Variants in CPED1 observed in about 807,000 individuals in gnomAD.
The protein encoded by CPED1 is cadherin like and PC-esterase domain containing 1.
In CPED1, 114 loss-of-function variants were observed where a neutral mutation model predicts 128.2. The observed-to-expected ratio is 0.89, with a 90% CI of 0.76 to 1.04. CPED1 has a LOEUF of 1.04. CPED1 is among the 50% of genes least tolerant of loss of function. The probability of loss-of-function intolerance (pLI) is 0.00; values close to 1 mark genes in which losing one functional copy is unlikely to be tolerated. For missense variants in CPED1, 1,211 were observed against 1,207.1 expected, an observed-to-expected ratio of 1.00 and a Z score of -0.05; for synonymous variants, 462 against 426.7, an observed-to-expected ratio of 1.08 and a Z score of -1.02.
At chr7:121,149,352 T>C (rs1470763257) in intron 16 of CPED1, among the ~76,000 whole-genome samples, 2 of 152,224 alleles carry the variant, frequency 1.3e-5, no homozygotes, top group Admixed American at 6.5e-5. Flanking sequence ...CAGAGTGGCA[T>C]GTTCTTTCAA....
At chr7:121,103,418 CAA>C (rs1176184832) in intron 7 of CPED1, among the ~76,000 whole-genome samples, 2 of 152,090 alleles carry the variant, frequency 1.3e-5, no homozygotes, top group Non-Finnish European at 1.5e-5. Context: ...TTTCAGAAAA[CAA>C]GAGGATATTT....
At chr7:121,067,506 T>C (rs1793869546) in intron 5 of CPED1, among the ~76,000 whole-genome samples, 1 of 152,156 alleles carries the variant, frequency 6.6e-6, no homozygotes, top group Admixed American at 6.5e-5. Context: ...CTTAATCCAG[T>C]CTATCATTGT....
chr7:121,106,760 A>G (rs1794983499), intron 7 of CPED1, among the ~76,000 whole-genome samples: 1 of 152,094 alleles, frequency 6.6e-6, no homozygotes, highest in South Asian at 2.1e-4. Flanking sequence ...TGTTTCTCTG[A>G]ACTGGATCCT....
Position 121,100,049 on chromosome 7 carries a change from G to A in CPED1, c.873G>A (p.Thr291=). 6.2e-7 allele frequency: 1 copy of A among 1,613,292 alleles called. No individual in the cohort carries two copies. Among genetic ancestry groups the A allele is most frequent in the Non-Finnish European group, 8.5e-7 (1 of 1,179,662 alleles). ...CTTTGCGTGCATTCATTCATTCGAC[G>A]GGCACAGTTTGGAATCCACCAAAGA... ...LTPLRAFIHS[T]GTVWNPPKKK... is the part of the protein sequence containing the mutation. The change falls in exon 7 of 23, where the codon ACG becomes ACA. Residue 291 remains threonine, a synonymous_variant. Transcript: ENST00000310396.
rs188574653 is a variant in CPED1, at chr7:121,140,927, C to T, written c.1800C>T (p.Val600=). 5.0e-6 allele frequency: 8 copies of T among 1,612,404 alleles called. No homozygotes were observed. Among genetic ancestry groups the T allele is most frequent in the East Asian group, 2.2e-5 (1 of 44,828 alleles). Residue 600 remains valine, a synonymous_variant, in exon 15 of 23, where the codon GTC becomes GTT. Transcript: ENST00000310396. ...HPKIKDYYCE[V]PFDVVTVTIG... The stretch of plus-strand genomic sequence containing the variant: ...AGATCAAAGATTATTACTGTGAAGT[C>T]CCATTTGATGTGGTAACAGTGACAA...
At chr7:120,994,967 C>T (rs1261283866) in intron 2 of CPED1, among the ~76,000 whole-genome samples, 1 of 152,078 alleles carries the variant, frequency 6.6e-6, no homozygotes, top group Non-Finnish European at 1.5e-5. Flanking sequence ...CTTGAACACC[C>T]CCTTTTCAAC....
chr7:121,272,364 C>T (rs781528613), intron 22 of CPED1, among the ~76,000 whole-genome samples: 20 of 152,114 alleles, frequency 1.3e-4, no homozygotes, highest in South Asian at 4.1e-4. Context: ...GATGTGCTCT[C>T]TGAGTCTAGC....
At chr7:121,059,502 CATG>C (rs1377925923) in intron 4 of CPED1, among the ~76,000 whole-genome samples, 1 of 152,100 alleles carries the variant, frequency 6.6e-6, no homozygotes, top group Non-Finnish European at 1.5e-5. Context: ...TAAAATGCAA[CATG>C]ATGTGTGTGT....
intron 16 of CPED1, among the ~76,000 whole-genome samples, chr7:121,170,587 A>G (rs190737768): frequency 5.7e-4 from 87 of 152,334 alleles, no homozygotes; most frequent in Middle Eastern, 6.8e-3. Context: ...CATACCAGCT[A>G]CAGTGCTGAT....
At chr7:121,201,488 G>C (rs533126487) in intron 16 of CPED1, among the ~76,000 whole-genome samples, 6 of 150,074 alleles carry the variant, frequency 4.0e-5, no homozygotes, top group Non-Finnish European at 8.9e-5. Context: ...GAGAGACAGA[G>C]AGAGAGAGAG....
At chr7:121,267,071 A>G in intron 20 of CPED1, 144 bp from the exon 21 acceptor site, 1 of 618,044 alleles carries the variant, frequency 1.6e-6, no homozygotes, top group Non-Finnish European at 2.8e-6. Flanking sequence ...CGTATTATAC[A>G]TCAAATATAT....
Position 121,140,852 on chromosome 7 carries a change from G to A in CPED1, c.1725G>A (p.Lys575=). ...SDDENTPCHI[K]QIFTHPHLEL... is the part of the protein sequence containing the mutation. ...ATGAAAACACACCATGTCATATCAA[G>A]CAGATCTTCACACATCCACATTTGG... The change falls in exon 15 of 23, where the codon AAG becomes AAA. Residue 575 remains lysine (K), a synonymous_variant. Coordinates refer to ENST00000310396, the MANE Select transcript of CPED1 (RefSeq NM_024913.5). 1 of 1,611,708 alleles carries A rather than the reference G, an allele frequency of 6.2e-7. No homozygotes were observed. Among genetic ancestry groups the A allele is most frequent in the Non-Finnish European group, 8.5e-7 (1 of 1,178,792 alleles).
At chr7:121,177,322 G>A (rs927734105) in intron 16 of CPED1, among the ~76,000 whole-genome samples, 1 of 151,810 alleles carries the variant, frequency 6.6e-6, no homozygotes, top group Non-Finnish European at 1.5e-5. Flanking sequence ...TGCAGTTGTC[G>A]AGCTCATAGA....
In CPED1 at chr7:121,163,398, A is replaced by G. The variant is rs943277530; in HGVS notation, c.2055+21257A>G. 4.0e-4 allele frequency among the ~76,000 whole-genome samples: 61 copies of G among 152,318 alleles called. 1 individual carries two copies. The highest frequency in any genetic ancestry group is 3.9e-3 in the Admixed American group (60 of 15,302). ...TTGAGCTATTGTGGGAAGACTATAGAAGCAGAAAATGGACAGGAATCAAGG... is the reference window on the plus strand; with the variant it reads ...TTGAGCTATTGTGGGAAGACTATAGGAGCAGAAAATGGACAGGAATCAAGG... On this transcript the variant is annotated intron_variant, in intron 16 of 22. Coordinates refer to ENST00000310396, the MANE Select transcript of CPED1 (RefSeq NM_024913.5).
rs1792288120 is a variant in CPED1 at position 121,015,828 on chromosome 7, G to A, written c.413G>A (p.Gly138Glu). The change falls in exon 3 of 23, where the codon GGG becomes GAG. Residue 138 changes from glycine (G) to glutamate (E), a missense_variant. Transcript: ENST00000310396. Reference protein sequence around the residue: ...IAEERLNAGLGPGLLEQGDLG... With the variant: ...IAEERLNAGLEPGLLEQGDLG... ...GAAGAAAGGCTCAATGCTGGCCTAG[G>A]GCCGGGGCTACTAGAACAAGGTCAG... 6.4e-7 allele frequency: 1 copy of A among 1,562,828 alleles called. No individual in the cohort carries two copies. Among genetic ancestry groups the A allele is most frequent in the African/African-American group, 1.4e-5 (1 of 71,980 alleles).
intron 12 of CPED1, among the ~76,000 whole-genome samples, 159 bp downstream of exon 12, chr7:121,130,453 A>G (rs954283171): frequency 2.0e-5 from 3 of 152,114 alleles, no homozygotes; most frequent in Non-Finnish European, 2.9e-5. Flanking sequence ...CATTGAAACC[A>G]TAATGATTCT....
Position 121,033,542 on chromosome 7 carries a change from T to C in CPED1, c.434-13345T>C, listed in dbSNP as rs146257861. On this transcript the variant is annotated intron_variant, in intron 3 of 22. Transcript: ENST00000310396. ...CACCATCCCTGTAACATCCCCAAAA[T>C]GTGAGTGTTATCATTCCTGGGAGGT... Among the ~76,000 whole-genome samples, 9 of 152,296 alleles carry C rather than the reference T, an allele frequency of 5.9e-5. No individual in the cohort carries two copies. In the East Asian group the frequency reaches 1.7e-3, roughly 29 times the overall value.
chr7:121,019,055 G>A (rs1198780250), intron 3 of CPED1, among the ~76,000 whole-genome samples: 1 of 151,952 alleles, frequency 6.6e-6, no homozygotes, highest in Non-Finnish European at 1.5e-5. Flanking sequence ...TTTACTGGTA[G>A]AGTAACTTTG....
intron 18 of CPED1, among the ~76,000 whole-genome samples, chr7:121,256,963 A>T (rs547965715): frequency 9.2e-5 from 14 of 152,156 alleles, no homozygotes; most frequent in Non-Finnish European, 1.9e-4. Context: ...GCAAATTAAC[A>T]CAGGAACAGA....
Sources: gnomAD v4.1 joint callset for allele counts (sites outside exome capture counted in the v4.1 genomes callset) on GRCh38, gnomAD v4.1.1 for gene constraint, MANE v1.5 for transcripts, NCBI Gene and HGNC (gene_info 2026-07-23, HGNC 2026-07-21) for gene names.